The following PTPRN variants were observed in gnomAD, a reference collection of about 807,000 sequenced individuals.
PTPRN encodes protein tyrosine phosphatase receptor type N, also known as receptor-type tyrosine-protein phosphatase-like N.
A neutral mutation model predicts 108.5 loss-of-function variants in PTPRN; 70 were observed. That is an observed-to-expected ratio of 0.65 (90% CI 0.53 to 0.79). The LOEUF is 0.79. Ranked by LOEUF, PTPRN falls within the 30% of genes least tolerant of loss-of-function variation. The pLI, the probability that PTPRN is intolerant of heterozygous loss-of-function variation, is 0.00. For missense variants in PTPRN, 1,136 were observed against 1,295.5 expected, an observed-to-expected ratio of 0.88 and a Z score of 1.89; for synonymous variants, 496 against 524.6, an observed-to-expected ratio of 0.95 and a Z score of 0.75.
At chr2:219,301,066 G>T in intron 7 of PTPRN, 89 bp from the exon 8 acceptor site, 1 of 1,305,052 alleles carries the variant, frequency 7.7e-7, no homozygotes, top group Non-Finnish European at 1.1e-6. Context: ...GAGACCCTGA[G>T]CCTGGAACAT....
Position 219,297,806 on chromosome 2 carries a change from C to T in PTPRN, c.1887+79G>A, listed in dbSNP as rs569776127. ...TGAGGGCTCACTCCCCATTCAGTTC[C>T]GACCCTTAGTCCACGCAAGACCCAG... On this transcript the variant is annotated intron_variant, in intron 13 of 22. Transcript: ENST00000295718. This position sits in a 1 kb window ranked among gnomAD's most constrained non-coding sequence, Gnocchi z 6.0. The T allele has an allele frequency of 3.7e-5, 54 of 1,470,016 alleles. No homozygotes were observed. The highest frequency in any genetic ancestry group is 2.5e-4 in the South Asian group (19 of 75,262). The allele number at this position is 1,470,016 out of a possible 1,614,324, so 91.1% of individuals were successfully genotyped here.
chr2:219,300,604 A>G (rs1294551191), intron 8 of PTPRN, among the ~76,000 whole-genome samples: 3 of 152,212 alleles, frequency 2.0e-5, no homozygotes, highest in African/African-American at 7.2e-5. Context: ...TAGAAATCCA[A>G]CACATGAAAC....
intron 10 of PTPRN, 31 bp downstream of exon 10, chr2:219,299,669 G>A (rs748485378): frequency 2.1e-5 from 33 of 1,551,906 alleles, no homozygotes; most frequent in African/African-American, 9.6e-5. Flanking sequence ...TCTAGATCTC[G>A]GCCACTGCCC....
Position 219,296,669 on chromosome 2 carries a change from A to G in PTPRN, c.2310+80T>C. On this transcript the variant is annotated intron_variant, in intron 16 of 22. Coordinates refer to ENST00000295718, the MANE Select transcript of PTPRN (RefSeq NM_002846.4). The surrounding 1 kb of genome is among the most constrained non-coding windows in gnomAD (Gnocchi z 6.0). ...CACTCCAGGGGGTTGGTGGGGTGGC[A>G]GGTGACCACGGGGAAATGGAGTGCA... 1 of 1,577,502 alleles carries G rather than the reference A, an allele frequency of 6.3e-7. No homozygotes were observed. Among genetic ancestry groups the G allele is most frequent in the South Asian group, 1.1e-5 (1 of 88,976 alleles).
intron 4 of PTPRN, among the ~76,000 whole-genome samples, chr2:219,303,522 C>A (rs575942194): frequency 4.6e-5 from 7 of 152,294 alleles, no homozygotes; most frequent in Admixed American, 2.0e-4. Flanking sequence ...TCAAAACATT[C>A]AAAAAATGCC....
intron 1 of PTPRN, chr2:219,308,072 G>A (rs535544219): frequency 2.0e-4 from 107 of 545,976 alleles, no homozygotes; most frequent in Non-Finnish European, 3.1e-4. Flanking sequence ...GCCTCTGTTT[G>A]CTTAACTGAG....
intron 1 of PTPRN, 100 bp downstream of exon 1, chr2:219,309,118 G>T: frequency 7.7e-7 from 1 of 1,296,488 alleles, no homozygotes. Context: ...TATTCTCCCC[G>T]AGCTTCATGA....
intron 18 of PTPRN, 190 bp from the exon 19 acceptor site, chr2:219,295,331 G>A: frequency 1.7e-6 from 1 of 578,648 alleles, no homozygotes; most frequent in South Asian, 2.3e-5. Flanking sequence ...ACCACTAGTA[G>A]CTTTTCCACC....
In PTPRN at chr2:219,302,477, A is replaced by G. The variant is rs1952377811; in HGVS notation, c.654T>C (p.Asp218=). 1 of 1,613,798 alleles carries G rather than the reference A, an allele frequency of 6.2e-7. No homozygotes were observed. The highest frequency in any genetic ancestry group is 8.5e-7 in the Non-Finnish European group (1 of 1,179,890). ...GGGAGCCCTCTGAGACCCTGGAGCC[A>G]TCACGGGAGCCAAACTGTGGAAAAC... The part of the protein sequence containing the change: ...PYLFHQFGSR[D]GSRVSEGSPG... Residue 218 remains aspartate, a synonymous_variant, in exon 6 of 23, where the codon GAT becomes GAC. Coordinates refer to ENST00000295718, the MANE Select transcript of PTPRN (RefSeq NM_002846.4).
At chr2:219,301,548 G>C (rs748971951) in intron 7 of PTPRN, 40 bp downstream of exon 7, 1 of 1,583,972 alleles carries the variant, frequency 6.3e-7, no homozygotes, top group South Asian at 1.1e-5. Flanking sequence ...CCTCCATGGA[G>C]CCGGGAGATA....
At chr2:219,301,295 C>A (rs1399373149) in intron 7 of PTPRN, among the ~76,000 whole-genome samples, 1 of 150,458 alleles carries the variant, frequency 6.6e-6, no homozygotes, top group Non-Finnish European at 1.5e-5. Flanking sequence ...GTTTTTAGGC[C>A]CTCATTGTCA....
Position 219,297,832 on chromosome 2 carries a change from A to T in PTPRN, c.1887+53T>A. On this transcript the variant is annotated intron_variant, in intron 13 of 22. Transcript: ENST00000295718. The surrounding 1 kb of genome is among the most constrained non-coding windows in gnomAD (Gnocchi z 6.0). ...GACCCTTAGTCCACGCAAGACCCAG[A>T]CTCCCAGGCCCCTTGCATTTCCTTT... 1 of 1,533,582 alleles carries T rather than the reference A, an allele frequency of 6.5e-7. No homozygotes were observed. Among genetic ancestry groups the T allele is most frequent in the Non-Finnish European group, 8.8e-7 (1 of 1,135,298 alleles). The allele number at this position is 1,533,582 out of a possible 1,614,324, so 95.0% of individuals were successfully genotyped here. A position where few individuals can be genotyped will look rare whatever the true frequency, so the allele number is the denominator to read the frequency against.
chr2:219,291,379 G>A (rs1010218979), intron 20 of PTPRN, 91 bp downstream of exon 20: 4 of 1,406,496 alleles, frequency 2.8e-6, no homozygotes, highest in African/African-American at 2.8e-5. Flanking sequence ...TATGCCTGCA[G>A]TTTGCTAGCA....
rs1378260092 is a variant in PTPRN, at chr2:219,296,473, C to T, written c.2354G>A (p.Gly785Asp). The change falls in exon 17 of 23, where the codon GGC (glycine) becomes GAC (aspartate). Residue 785 changes from glycine to aspartate, a missense_variant. Gly to Asp is a moderately conservative substitution (Grantham distance 94, BLOSUM62 -1). Transcript: ENST00000295718. This position sits in a 1 kb window ranked among gnomAD's most constrained non-coding sequence, Gnocchi z 6.0. The part of the protein sequence containing the change: ...PRMPAYIATQ[G>D]PLSHTIADFW... ...GTCTGCGATGGTATGGGACAGCGGG[C>T]CCTGCGTGGCTATGTAGGCTGGCAT... 1 of 1,614,154 alleles carries T rather than the reference C, an allele frequency of 6.2e-7. No individual in the cohort carries two copies. Among genetic ancestry groups the T allele is most frequent in the South Asian group, 1.1e-5 (1 of 91,078 alleles).
At chr2:219,308,001 T>A in intron 1 of PTPRN, 159 bp from the exon 2 acceptor site, 1 of 672,032 alleles carries the variant, frequency 1.5e-6, no homozygotes, top group Non-Finnish European at 2.6e-6. Flanking sequence ...CTGAATTTCT[T>A]AAAAGGAAGC....
chr2:219,301,051 G>A lies in PTPRN; in HGVS notation c.1127-74C>T, dbSNP rs1574924599. Reference sequence around the variant, plus strand: ...TCTACACAACACAAGTGGGAGAAAGGGCCAGAGACCCTGAGCCTGGAACAT... The same window carrying A: ...TCTACACAACACAAGTGGGAGAAAGAGCCAGAGACCCTGAGCCTGGAACAT... On this transcript the variant is annotated intron_variant, in intron 7 of 22. Coordinates refer to ENST00000295718, the MANE Select transcript of PTPRN (RefSeq NM_002846.4). 2.2e-5 allele frequency: 32 copies of A among 1,442,618 alleles called. No individual in the cohort carries two copies. The South Asian group carries it at 3.2e-4, about 15-fold the overall frequency. 89.4% of individuals were successfully genotyped at this position (1,442,618 alleles called of 1,614,324 possible). A position where few individuals can be genotyped will look rare whatever the true frequency, so the allele number is the denominator to read the frequency against.
rs568893427 is a variant in PTPRN, at chr2:219,307,162, G to A, written c.280+282C>T. ...CTGGCTGAGGATTCCAGAGTTCTTG[G>A]CTCTGTAGCACTCAGACAATGCCAG... On this transcript the variant is annotated intron_variant, in intron 3 of 22. Coordinates refer to ENST00000295718, the MANE Select transcript of PTPRN (RefSeq NM_002846.4). 5 of 330,866 alleles carry A rather than the reference G, an allele frequency of 1.5e-5. No homozygotes were observed. In the South Asian group the frequency reaches 4.2e-4, roughly 28 times the overall value. 20.5% of individuals were successfully genotyped at this position (330,866 alleles called of 1,614,324 possible). A position where few individuals can be genotyped will look rare whatever the true frequency, so the allele number is the denominator to read the frequency against.
rs748045528 is a variant in PTPRN at position 219,290,814 on chromosome 2, G to T, written c.2794+12C>A. 9.3e-6 allele frequency: 15 copies of T among 1,613,548 alleles called. No homozygotes were observed. The African/African-American group carries it at 1.3e-4, about 14-fold the overall frequency. On this transcript the variant is annotated intron_variant, in intron 21 of 22. Transcript: ENST00000295718. The surrounding 1 kb of genome is among the most constrained non-coding windows in gnomAD (Gnocchi z 4.2). ...GCCTGGGGGCTGCGGGCACCGTGGGGAAGCTCCCTACCTTTTGCCATGCGG... is the reference window on the plus strand; with the variant it reads ...GCCTGGGGGCTGCGGGCACCGTGGGTAAGCTCCCTACCTTTTGCCATGCGG...
At chr2:219,295,971 A>C in intron 18 of PTPRN, 1 of 438,116 alleles carries the variant, frequency 2.3e-6, no homozygotes, top group Non-Finnish European at 3.8e-6. Context: ...TTGACTCTAG[A>C]CAGGACACAC....
Sources: gnomAD v4.1 joint callset for allele counts (sites outside exome capture counted in the v4.1 genomes callset) on GRCh38, gnomAD v4.1.1 for gene constraint, Gnocchi (gnomAD v3.1) non-coding constraint, MANE v1.5 for transcripts, NCBI Gene and HGNC (gene_info 2026-07-23, HGNC 2026-07-21) for gene names.